The following PWWP2B variants were observed in gnomAD, a reference collection of about 807,000 sequenced individuals.
PWWP2B encodes PWWP domain-containing protein 2B.
PWWP2B carries 9 observed loss-of-function variants against 15.5 expected under a neutral mutation model. The observed-to-expected ratio is 0.58, with a 90% CI of 0.35 to 1.02. The LOEUF (loss-of-function observed/expected upper bound fraction) is 1.02. PWWP2B is among the 50% of genes least tolerant of loss of function. The pLI is 0.02. For synonymous variants in PWWP2B, 474 were observed against 403.6 expected (o/e 1.17, Z -2.09); for missense variants, 864 against 865.3 (o/e 1.00, Z 0.02).
At position 132,404,757 on chromosome 10, in the gene PWWP2B, C is replaced by T. The variant is rs186726581; in HGVS notation, c.257C>T (p.Pro86Leu). 2.0e-5 allele frequency: 32 copies of T among 1,592,640 alleles called. No individual in the cohort carries two copies. Among genetic ancestry groups the T allele is most frequent in the African/African-American group, 5.4e-5 (4 of 74,600 alleles). The change falls in exon 2 of 3, where the codon CCT becomes CTT. Residue 86 changes from proline (P) to leucine (L), a missense_variant. Transcript: ENST00000305233. ...EVMQLGSSSP[P>L]PARGVQPPET... ...ATGCAGCTGGGGTCCAGCTCCCCCCCTCCTGCCCGCGGGGTTCAGCCCCCC... is the reference window on the plus strand; with the variant it reads ...ATGCAGCTGGGGTCCAGCTCCCCCCTTCCTGCCCGCGGGGTTCAGCCCCCC...
At chr10:132,411,704 C>T (rs2069783658) in intron 2 of PWWP2B, among the ~76,000 whole-genome samples, 1 of 152,218 alleles carries the variant, frequency 6.6e-6, no homozygotes, top group Non-Finnish European at 1.5e-5. Flanking sequence ...AGTGCTGAGT[C>T]GGCAGGAGCC....
At chr10:132,408,438 G>A (rs558844154) in intron 2 of PWWP2B, among the ~76,000 whole-genome samples, 100 of 152,346 alleles carry the variant, frequency 6.6e-4, no homozygotes, top group African/African-American at 2.2e-3. Flanking sequence ...TCGTGAAGGC[G>A]CCTCTCTGAG....
chr10:132,404,568 C>T (rs942532586), intron 1 of PWWP2B, 58 bp from the exon 2 acceptor site: 56 of 1,458,272 alleles, frequency 3.8e-5, no homozygotes, highest in Middle Eastern at 1.8e-4. Context: ...GGGGCTGGTG[C>T]GGGTGGCAGA....
chr10:132,405,764 G>A lies in PWWP2B; in HGVS notation c.1264G>A (p.Ala422Thr). Reference protein sequence around the residue: ...EGRADCASESACSSDSLDEAR... With the variant: ...EGRADCASESTCSSDSLDEAR... The stretch of plus-strand genomic sequence containing the variant: ...GAGAGCGGACTGTGCCAGTGAGTCG[G>A]CGTGCAGCAGCGACAGCCTGGACGA... The change falls in exon 2 of 3, where the codon GCG becomes ACG. Residue 422 changes from alanine to threonine, a missense_variant. Physicochemically the swap from Ala to Thr is moderately conservative, Grantham distance 58. Transcript: ENST00000305233. 6.2e-7 allele frequency: 1 copy of A among 1,607,172 alleles called. No homozygotes were observed. The highest frequency in any genetic ancestry group is 1.7e-5 in the Admixed American group (1 of 60,018).
At chr10:132,415,375 T>C (rs1379291318) in intron 2 of PWWP2B, among the ~76,000 whole-genome samples, 1 of 128,634 alleles carries the variant, frequency 7.8e-6, no homozygotes. Flanking sequence ...GTCACACACG[T>C]CACTCACACT....
rs2069683486 is a variant in PWWP2B at position 132,405,514 on chromosome 10, C to A, written c.1014C>A (p.His338Gln). 2 of 1,603,996 alleles carry A rather than the reference C, an allele frequency of 1.2e-6. No individual in the cohort carries two copies. The highest frequency in any genetic ancestry group is 1.7e-6 in the Non-Finnish European group (2 of 1,179,410). ...LPPPKIRLKPHRLGDSEHEPV... is the reference protein window; with the variant it reads ...LPPPKIRLKPQRLGDSEHEPV... ...CCCCTAAGATCCGCCTGAAGCCCCA[C>A]CGTCTGGGGGACAGCGAGCACGAGC... Residue 338 changes from histidine to glutamine, a missense_variant, in exon 2 of 3, where the codon CAC becomes CAA. Physicochemically the swap from His to Gln is conservative, Grantham distance 24. Around this residue, in one of 2 missense-constraint regions of PWWP2B, gnomAD observed 736 missense variants for 687.7 expected, o/e 1.07. Coordinates refer to ENST00000305233, the MANE Select transcript of PWWP2B (RefSeq NM_138499.4).
rs758736266 is a variant in PWWP2B, at chr10:132,405,252, C to G, written c.752C>G (p.Pro251Arg). 1.2e-6 allele frequency: 2 copies of G among 1,610,092 alleles called. No homozygotes were observed. The highest frequency in any genetic ancestry group is 1.7e-6 in the Non-Finnish European group (2 of 1,179,024). ...RAPAEQVPRS[P>R]VIKISYSTPQ... ...CCGGCAGAGCAGGTCCCGCGGAGCC[C>G]GGTCATCAAGATCTCCTACAGCACG... The change falls in exon 2 of 3, where the codon CCG (proline) becomes CGG (arginine). Residue 251 changes from proline to arginine, a missense_variant. By Grantham distance (103) the Pro-to-Arg change is moderately radical. This residue lies in a region of PWWP2B where 736 missense variants were observed against 687.7 expected (regional missense o/e 1.07). Transcript: ENST00000305233.
Position 132,406,107 on chromosome 10 carries a change from C to G in PWWP2B, c.1607C>G (p.Thr536Arg). The G allele has an allele frequency of 1.2e-6, 2 of 1,613,860 alleles. No homozygotes were observed. The highest frequency in any genetic ancestry group is 1.7e-6 in the Non-Finnish European group (2 of 1,180,016). The stretch of plus-strand genomic sequence containing the variant: ...GTCTCGTGGTTTGGTTCTCCGACTA[C>G]GTCGTTCTTGTCTATTTCAAAACTC... ...AKVSWFGSPT[T>R]SFLSISKLSP... Residue 536 changes from threonine (T) to arginine (R), a missense_variant, in exon 2 of 3, where the codon ACG (threonine) becomes AGG (arginine). Thr to Arg is a moderately conservative substitution (Grantham distance 71). Transcript: ENST00000305233.
chr10:132,416,192 T>A (rs906316963), intron 2 of PWWP2B, among the ~76,000 whole-genome samples: 17 of 152,138 alleles, frequency 1.1e-4, no homozygotes, highest in African/African-American at 3.1e-4. Flanking sequence ...GGCAGGTCCC[T>A]CCTGCCCTGC....
Position 132,397,351 on chromosome 10 carries a change from A to G in PWWP2B, c.125A>G (p.Lys42Arg). The change falls in exon 1 of 3, where the codon AAG becomes AGG. Residue 42 changes from lysine to arginine, a missense_variant and splice_region_variant. Physicochemically the swap from Lys to Arg is conservative, Grantham distance 26. Transcript: ENST00000305233. ...GGGATCCTGCTGGACTGCACGAAAA[A>G]GTGAGCGGGGGCGCGGGCCGGGACA... is the stretch of plus-strand genomic sequence containing the variant. ...FAGILLDCTK[K>R]SGLFGLPPLA... 1 of 1,349,052 alleles carries G rather than the reference A, an allele frequency of 7.4e-7. No homozygotes were observed. The highest frequency in any genetic ancestry group is 2.1e-5 in the South Asian group (1 of 48,080). The allele number at this position is 1,349,052 out of a possible 1,614,324, so 83.6% of individuals were successfully genotyped here. A position where few individuals can be genotyped will look rare whatever the true frequency, so the allele number is the denominator to read the frequency against.
Position 132,417,416 on chromosome 10 carries a change from G to C in PWWP2B, c.*372G>C. 2.6e-6 allele frequency: 1 copy of C among 390,094 alleles called. No homozygotes were observed. The highest frequency in any genetic ancestry group is 4.7e-6 in the Non-Finnish European group (1 of 214,256). The allele number at this position is 390,094 out of a possible 1,614,324, so 24.2% of individuals were successfully genotyped here. On this transcript the variant is annotated 3_prime_UTR_variant, in exon 3 of 3. Transcript: ENST00000305233. Reference sequence around the variant, plus strand: ...TGCTGCCCGCATGCTGGGGTCCCATGGAGGAACCAGGCCTGGCGCCCCGGC... The same window carrying C: ...TGCTGCCCGCATGCTGGGGTCCCATCGAGGAACCAGGCCTGGCGCCCCGGC...
intron 2 of PWWP2B, among the ~76,000 whole-genome samples, chr10:132,414,564 C>T (rs2069819469): frequency 1.3e-5 from 2 of 151,582 alleles, no homozygotes; most frequent in African/African-American, 2.4e-5. Flanking sequence ...GGAGGGACCC[C>T]AGGGGCTGGA....
chr10:132,411,668 A>G (rs2069783007), intron 2 of PWWP2B, among the ~76,000 whole-genome samples: 1 of 152,254 alleles, frequency 6.6e-6, no homozygotes, highest in Admixed American at 6.5e-5. Context: ...AATAAAGATA[A>G]TAATCAGGAA....
chr10:132,413,658 G>GC lies in PWWP2B; in HGVS notation c.*17-3402dup, dbSNP rs564443847. ...CCGGCCTTCCTGTGGCCGCATCTGG[G>GC]CAGGGCCCCATCGTCCTTCCGGGCT... On this transcript the variant is annotated intron_variant, in intron 2 of 2. Coordinates refer to ENST00000305233, the MANE Select transcript of PWWP2B (RefSeq NM_138499.4). Among the ~76,000 whole-genome samples the GC allele has an allele frequency of 1.8e-3, 267 of 152,360 alleles. 1 individual carries two copies. The highest frequency in any genetic ancestry group is 3.2e-3 in the Non-Finnish European group (215 of 68,030).
chr10:132,417,173 C>A lies in PWWP2B; in HGVS notation c.*129C>A. 7.0e-7 allele frequency: 1 copy of A among 1,429,474 alleles called. No individual in the cohort carries two copies. The highest frequency in any genetic ancestry group is 9.8e-7 in the Non-Finnish European group (1 of 1,015,492). The allele number at this position is 1,429,474 out of a possible 1,614,324, so 88.5% of individuals were successfully genotyped here. A position where few individuals can be genotyped will look rare whatever the true frequency, so the allele number is the denominator to read the frequency against. ...GAGCCCACTGGGCACGGTGGTCGGC[C>A]TGGTGTGAGGCCCCCCGGGGACCGG... On this transcript the variant is annotated 3_prime_UTR_variant, in exon 3 of 3. Transcript: ENST00000305233.
chr10:132,415,830 G>A (rs928924951), intron 2 of PWWP2B, among the ~76,000 whole-genome samples: 2 of 152,200 alleles, frequency 1.3e-5, no homozygotes, highest in South Asian at 4.1e-4. Context: ...AGATGTTGCC[G>A]GCCCTTTCTT....
rs183651986 is a variant in PWWP2B at position 132,408,121 on chromosome 10, G to A, written c.*16+1832G>A. 6.4e-3 allele frequency among the ~76,000 whole-genome samples: 981 copies of A among 152,356 alleles called. 13 individuals carry two copies. The highest frequency in any genetic ancestry group is 0.022 in the African/African-American group (932 of 41,586). On this transcript the variant is annotated intron_variant, in intron 2 of 2. Transcript: ENST00000305233. ...TCCACGGGGGGCAGTGCCTGCACAC[G>A]GGGCCTGCGCCGGGACCAGCCCCCT...
chr10:132,414,038 C>G (rs929914248), intron 2 of PWWP2B, among the ~76,000 whole-genome samples: 1 of 152,226 alleles, frequency 6.6e-6, no homozygotes, highest in African/African-American at 2.4e-5. Flanking sequence ...GCCTCAGTGA[C>G]GCAGAGCAGC....
chr10:132,412,476 G>A (rs2069794151), intron 2 of PWWP2B, among the ~76,000 whole-genome samples: 1 of 152,178 alleles, frequency 6.6e-6, no homozygotes, highest in Non-Finnish European at 1.5e-5. Flanking sequence ...CCCCTTCAGG[G>A]GCCGTGGGAG....
Sources: gnomAD v4.1 joint callset for allele counts (sites outside exome capture counted in the v4.1 genomes callset) on GRCh38, gnomAD v4.1.1 for gene constraint, gnomAD v4.1.1 regional missense constraint, MANE v1.5 for transcripts, NCBI Gene and HGNC (gene_info 2026-07-23, HGNC 2026-07-21) for gene names.